Variants in FAM167A observed in about 807,000 individuals in gnomAD.
The protein encoded by FAM167A is protein FAM167A.
In FAM167A, 23 loss-of-function variants were observed where a neutral mutation model predicts 14.9. The observed-to-expected ratio is 1.55, with a 90% CI of 1.11 to 2.19. The LOEUF is 2.19. Among genes scored for constraint, FAM167A ranks in the 30% most tolerant of loss-of-function variants. The pLI is 0.00. For missense variants in FAM167A, 401 were observed against 281.5 expected, an observed-to-expected ratio of 1.42 and a Z score of -3.04; for synonymous variants, 174 against 117.7, an observed-to-expected ratio of 1.48 and a Z score of -3.10.
At chr8:11,470,774 G>A (rs377057318), upstream of FAM167A, among the ~76,000 whole-genome samples, 7 of 152,220 alleles carry the variant, frequency 4.6e-5, no homozygotes, top group East Asian at 1.4e-3. Flanking sequence ...TCTCAGCCCA[G>A]GGCCAGAGTC....
chr8:11,437,226 C>G (rs1364333184), intron 2 of FAM167A, among the ~76,000 whole-genome samples: 1 of 152,148 alleles, frequency 6.6e-6, no homozygotes. Context: ...GCTGATTGAT[C>G]TTGGGCAAGT....
At chr8:11,465,552 C>G (rs1316004228) in intron 1 of FAM167A, among the ~76,000 whole-genome samples, 1 of 152,234 alleles carries the variant, frequency 6.6e-6, no homozygotes, top group Admixed American at 6.5e-5. Flanking sequence ...AAGCACAGCC[C>G]ATGGCTGCTT....
chr8:11,473,640 G>C (rs1379477996), intron 1 of FAM167A, among the ~76,000 whole-genome samples: 2 of 152,194 alleles, frequency 1.3e-5, no homozygotes, highest in South Asian at 2.1e-4. Flanking sequence ...ACGCAGTGCA[G>C]GGTGCGGTTC....
chr8:11,449,550 C>T (rs575399172), intron 1 of FAM167A, among the ~76,000 whole-genome samples: 30 of 152,246 alleles, frequency 2.0e-4, no homozygotes, highest in African/African-American at 5.3e-4. Context: ...GTGGAGGGGC[C>T]GGAGAAGGAA....
chr8:11,470,525 C>T (rs552061724), upstream of FAM167A, among the ~76,000 whole-genome samples: 10 of 152,278 alleles, frequency 6.6e-5, 1 homozygote, highest in South Asian at 1.9e-3. Context: ...GGCCTTCCCC[C>T]GAGGGGAGCT....
In FAM167A at chr8:11,423,662, A is replaced by G. The variant is rs943601077; in HGVS notation, c.*711T>C. The G allele has an allele frequency of 6.6e-6, 1 of 152,358 alleles. No individual in the cohort carries two copies. The highest frequency in any genetic ancestry group is 2.4e-5 in the African/African-American group (1 of 41,456). 9.4% of individuals were successfully genotyped at this position (152,358 alleles called of 1,614,324 possible). ...AGGCTCTTTGGAGATGCATGTGGCCAGGGGAGACAATGGGGACATCTGTGC... is the reference window on the plus strand; with the variant it reads ...AGGCTCTTTGGAGATGCATGTGGCCGGGGGAGACAATGGGGACATCTGTGC... On this transcript the variant is annotated 3_prime_UTR_variant, in exon 3 of 3. Transcript: ENST00000284486.
At chr8:11,451,150 G>A (rs1291075400) in intron 1 of FAM167A, among the ~76,000 whole-genome samples, 2 of 152,342 alleles carry the variant, frequency 1.3e-5, no homozygotes, top group Middle Eastern at 3.4e-3. Context: ...TGAAGTTTTG[G>A]TGTCAGAACC....
chr8:11,440,587 C>T (rs971290055), intron 2 of FAM167A, among the ~76,000 whole-genome samples: 9 of 152,222 alleles, frequency 5.9e-5, no homozygotes, highest in African/African-American at 2.2e-4. Context: ...TGACCACTGC[C>T]TCCTGGGAGA....
intron 2 of FAM167A, among the ~76,000 whole-genome samples, chr8:11,428,208 A>G (rs1037581145): frequency 6.6e-6 from 1 of 152,340 alleles, no homozygotes; most frequent in African/African-American, 2.4e-5. Flanking sequence ...CCAGGTGTCT[A>G]AGACTATCTG....
At chr8:11,471,553 G>C (rs1807960870), upstream of FAM167A, among the ~76,000 whole-genome samples, 1 of 152,212 alleles carries the variant, frequency 6.6e-6, no homozygotes, top group Non-Finnish European at 1.5e-5. Flanking sequence ...CTCCTCTGGT[G>C]ATTAGTATGT....
rs893427564 is a variant in FAM167A, at chr8:11,424,073, T to A, written c.*300A>T. 3.1e-6 allele frequency: 1 copy of A among 318,956 alleles called. No individual in the cohort carries two copies. The highest frequency in any genetic ancestry group is 5.8e-6 in the Non-Finnish European group (1 of 171,068). The allele number at this position is 318,956 out of a possible 1,614,324, so 19.8% of individuals were successfully genotyped here. On this transcript the variant is annotated 3_prime_UTR_variant, in exon 3 of 3. Coordinates refer to ENST00000284486, the MANE Select transcript of FAM167A (RefSeq NM_053279.3). The stretch of plus-strand genomic sequence containing the variant: ...CCAGTGATTCCAGGAAACAGGAACG[T>A]GACCGTGGAGGGATGGATTATGGTG...
At chr8:11,457,992 T>G (rs960526539) in intron 1 of FAM167A, among the ~76,000 whole-genome samples, 3 of 152,216 alleles carry the variant, frequency 2.0e-5, no homozygotes, top group African/African-American at 7.2e-5. Context: ...AAACAGCAGA[T>G]GTTCAGTGTG....
chr8:11,433,480 T>C (rs554329588), intron 2 of FAM167A, among the ~76,000 whole-genome samples: 1 of 152,220 alleles, frequency 6.6e-6, no homozygotes, highest in African/African-American at 2.4e-5. Flanking sequence ...TCTTTTAGTT[T>C]GGTGAAATAA....
chr8:11,422,772 G>A lies in FAM167A; in HGVS notation c.*1601C>T, dbSNP rs1264606427. 1.3e-5 allele frequency: 2 copies of A among 152,366 alleles called. No homozygotes were observed. The highest frequency in any genetic ancestry group is 1.5e-5 in the Non-Finnish European group (1 of 68,072). The allele number at this position is 152,366 out of a possible 1,614,324, so 9.4% of individuals were successfully genotyped here. On this transcript the variant is annotated 3_prime_UTR_variant, in exon 3 of 3. Coordinates refer to ENST00000284486, the MANE Select transcript of FAM167A (RefSeq NM_053279.3). ...CACGGGCCCCACTGAGATTACACAGGAAGAAGTCACAGTAGACAGAGCAGC... is the reference window on the plus strand; with the variant it reads ...CACGGGCCCCACTGAGATTACACAGAAAGAAGTCACAGTAGACAGAGCAGC...
At chr8:11,455,775 G>A (rs1317659331) in intron 1 of FAM167A, among the ~76,000 whole-genome samples, 6 of 147,946 alleles carry the variant, frequency 4.1e-5, no homozygotes, top group Admixed American at 2.0e-4. Flanking sequence ...TGTATTGGGG[G>A]TGGTTGCCCT....
At chr8:11,470,126 C>T (rs375521392), upstream of FAM167A, among the ~76,000 whole-genome samples, 2 of 152,046 alleles carry the variant, frequency 1.3e-5, no homozygotes, top group East Asian at 3.8e-4. Context: ...CCGACAAATA[C>T]GCTAAGTAAA....
rs977497235 is a variant in FAM167A at position 11,423,411 on chromosome 8, G to A, written c.*962C>T. ...AGTAACAGTCTTATTAAAACTAGTT[G>A]TTTAGGTCAGGCACAAAATCTCAGA... On this transcript the variant is annotated 3_prime_UTR_variant, in exon 3 of 3. Coordinates refer to ENST00000284486, the MANE Select transcript of FAM167A (RefSeq NM_053279.3). 4 of 152,634 alleles carry A rather than the reference G, an allele frequency of 2.6e-5. No individual in the cohort carries two copies. Among genetic ancestry groups the A allele is most frequent in the African/African-American group, 7.2e-5 (3 of 41,448 alleles). 9.5% of individuals were successfully genotyped at this position (152,634 alleles called of 1,614,324 possible).
intron 1 of FAM167A, among the ~76,000 whole-genome samples, chr8:11,459,532 G>C (rs1300120602): frequency 6.6e-6 from 1 of 152,234 alleles, no homozygotes; most frequent in African/African-American, 2.4e-5. Flanking sequence ...TGCCAAGCAC[G>C]TGGGTGCTGT....
At chr8:11,469,966 C>T (rs375048059), upstream of FAM167A, among the ~76,000 whole-genome samples, 57 of 152,092 alleles carry the variant, frequency 3.7e-4, no homozygotes, top group Middle Eastern at 6.8e-3. Context: ...TCTCCCAATT[C>T]GTTTATTCAT....
Sources: allele counts gnomAD v4.1 joint callset (sites outside exome capture counted in the v4.1 genomes callset), GRCh38; gene constraint gnomAD v4.1.1; transcripts MANE v1.5; gene names NCBI Gene and HGNC (gene_info 2026-07-23, HGNC 2026-07-21).